The following PMEL variants were observed in gnomAD, a reference collection of about 807,000 sequenced individuals.
PMEL encodes the protein melanocyte protein PMEL.
A neutral mutation model predicts 64.9 loss-of-function variants in PMEL; 53 were observed. The observed-to-expected ratio is 0.82, with a 90% CI of 0.66 to 1.03. The LOEUF (loss-of-function observed/expected upper bound fraction) is 1.03, where lower values mean the gene tolerates loss of function less well. PMEL is among the 50% of genes least tolerant of loss of function. PMEL has a pLI of 0.00. For synonymous variants in PMEL, 299 were observed against 316.2 expected (o/e 0.95, Z 0.58); for missense variants, 716 against 814.9 (o/e 0.88, Z 1.48).
In PMEL at chr12:55,960,221, A is replaced by AAAAAG. The variant is rs757094284; in HGVS notation, c.334+1091_334+1095dup. On this transcript the variant is annotated intron_variant, in intron 3 of 10. Transcript: ENST00000548747. ...GCCAGACTCTGTCTCAAAAAAAAAA[A>AAAAAG]AAAAGAAAAGAAAAGAAAAGAAAAG... is the stretch of plus-strand genomic sequence containing the variant. 1.2e-3 allele frequency among the ~76,000 whole-genome samples: 174 copies of AAAAAG among 149,254 alleles called. 1 individual carries two copies. The highest frequency in any genetic ancestry group is 2.9e-3 in the Admixed American group (44 of 15,128).
intron 5 of PMEL, 53 bp downstream of exon 5, chr12:55,957,870 C>T (rs1888952601): frequency 6.2e-7 from 1 of 1,601,874 alleles, no homozygotes; most frequent in Non-Finnish European, 8.5e-7. Flanking sequence ...CCATCCAAGC[C>T]TCCCTGCCTT....
chr12:55,955,506 T>A lies in PMEL; in HGVS notation c.1720A>T (p.Thr574Ser), dbSNP rs758298457. 5.0e-6 allele frequency: 8 copies of A among 1,614,088 alleles called. No homozygotes were observed. The highest frequency in any genetic ancestry group is 1.6e-4 in the Middle Eastern group (1 of 6,062). ...TYCLNVSLAD[T>S]NSLAVVSTQL... ...GTGCTGACCACTGCCAGGCTGTTGG[T>A]ATCAGCCAGAGACACATTGAGGCAG... The change falls in exon 9 of 11, where the codon ACC becomes TCC. Residue 574 changes from threonine to serine, a missense_variant. Transcript: ENST00000548747.
chr12:55,958,154 G>A (rs1888967681), intron 4 of PMEL, 70 bp from the exon 5 acceptor site: 13 of 1,507,928 alleles, frequency 8.6e-6, no homozygotes, highest in East Asian at 4.5e-5. Context: ...GACAGGCTTC[G>A]AAACGGCACT....
chr12:55,957,818 T>C, intron 5 of PMEL, 105 bp downstream of exon 5: 1 of 1,528,458 alleles, frequency 6.5e-7, no homozygotes, highest in Admixed American at 1.8e-5. Context: ...CTGGCCCTTC[T>C]ACTTTAAGTT....
At chr12:55,957,885 T>C in intron 5 of PMEL, 38 bp downstream of exon 5, 1 of 1,609,708 alleles carries the variant, frequency 6.2e-7, no homozygotes, top group Non-Finnish European at 8.5e-7. Context: ...TGCCTTCTCT[T>C]GCCCTACAAC....
chr12:55,960,857 T>G (rs1345263649), intron 3 of PMEL, among the ~76,000 whole-genome samples: 1 of 150,364 alleles, frequency 6.7e-6, no homozygotes, highest in Non-Finnish European at 1.5e-5. Flanking sequence ...TTCTCTGTGT[T>G]TTTAAATTTT....
intron 6 of PMEL, chr12:55,956,489 TC>T (rs1479036121): frequency 3.1e-5 from 13 of 413,332 alleles, no homozygotes; most frequent in Non-Finnish European, 4.8e-5. Flanking sequence ...CTATGTCAGG[TC>T]CTAGGCTAGA....
Position 55,961,263 on chromosome 12 carries a change from A to G in PMEL, c.334+54T>C, listed in dbSNP as rs773336357. 8 of 1,550,494 alleles carry G rather than the reference A, an allele frequency of 5.2e-6. No individual in the cohort carries two copies. The Admixed American group carries it at 1.3e-4, about 26-fold the overall frequency. Reference sequence around the variant, plus strand: ...GGGGCATTCCCTGAGCTCACTGGGCATACCAGGGAACCTGAGCCCTAGGAA... The same window carrying G: ...GGGGCATTCCCTGAGCTCACTGGGCGTACCAGGGAACCTGAGCCCTAGGAA... On this transcript the variant is annotated intron_variant, in intron 3 of 10. Transcript: ENST00000548747.
Position 55,957,168 on chromosome 12 carries a change from C to G in PMEL, c.1135G>C (p.Val379Leu), listed in dbSNP as rs758062146. The change falls in exon 6 of 11, where the codon GTG becomes CTG. Residue 379 changes from valine (V) to leucine (L), a missense_variant. Coordinates refer to ENST00000548747, the MANE Select transcript of PMEL (RefSeq NM_001384361.1). ...AESTGMTPEK[V>L]PVSEVMGTTL... The stretch of plus-strand genomic sequence containing the variant: ...GTACCCATGACCTCTGAAACTGGCA[C>G]CTTCTCAGGTGTCATACCTGTGCTC... 1.2e-6 allele frequency: 2 copies of G among 1,614,082 alleles called. No homozygotes were observed. Among genetic ancestry groups the G allele is most frequent in the African/African-American group, 1.3e-5 (1 of 74,920 alleles).
At chr12:55,963,054 G>A (rs1592775022) in intron 1 of PMEL, among the ~76,000 whole-genome samples, 1 of 152,022 alleles carries the variant, frequency 6.6e-6, no homozygotes, top group East Asian at 2.0e-4. Context: ...CTACTCAGGG[G>A]GCTGAGGCAG....
At chr12:55,966,199 C>A, upstream of PMEL, 1 of 840,218 alleles carries the variant, frequency 1.2e-6, no homozygotes, top group Non-Finnish European at 1.8e-6. Flanking sequence ...TCCCATCCTG[C>A]TACTCAATGA....
chr12:55,959,785 A>T (rs529824001), intron 3 of PMEL, among the ~76,000 whole-genome samples: 1 of 152,316 alleles, frequency 6.6e-6, no homozygotes, highest in African/African-American at 2.4e-5. Context: ...AGCCTGAGCG[A>T]CACAGCGAGA....
chr12:55,963,461 T>C (rs938892935), intron 1 of PMEL, among the ~76,000 whole-genome samples: 7 of 152,230 alleles, frequency 4.6e-5, no homozygotes, highest in African/African-American at 1.7e-4. Flanking sequence ...AGACATCGTG[T>C]TATTTTAACC....
In PMEL at chr12:55,955,383, C is replaced by T. The variant is rs547269685; in HGVS notation, c.1763-22G>A. 921 of 1,613,962 alleles carry T rather than the reference C, an allele frequency of 5.7e-4. 5 individuals are homozygous for T. In the South Asian group the frequency reaches 9.5e-3, roughly 17 times the overall value. On this transcript the variant is annotated intron_variant, in intron 9 of 10. Transcript: ENST00000548747. ...TGACCTGTGAGAAGAATCCCAGGCA[C>T]TGCTTCACTCAGTGTCTGCTGCTTG...
intron 1 of PMEL, 73 bp downstream of exon 1, chr12:55,965,863 G>T: frequency 6.3e-7 from 1 of 1,578,236 alleles, no homozygotes; most frequent in Non-Finnish European, 8.7e-7. Flanking sequence ...CTCCCATTAG[G>T]AGGACAGAAA....
chr12:55,961,753 A>C, intron 1 of PMEL, 21 bp from the exon 2 acceptor site: 1 of 1,513,844 alleles, frequency 6.6e-7, no homozygotes, highest in South Asian at 1.1e-5. Flanking sequence ...TGTGCCATGA[A>C]GGGCCCTAGG....
At chr12:55,964,065 C>T (rs1005860971) in intron 1 of PMEL, among the ~76,000 whole-genome samples, 4 of 152,136 alleles carry the variant, frequency 2.6e-5, no homozygotes, top group African/African-American at 7.2e-5. Flanking sequence ...CTCACTGCAG[C>T]CTCAAACTCC....
At chr12:55,956,006 A>C in intron 7 of PMEL, 97 bp downstream of exon 7, 6 of 1,101,724 alleles carry the variant, frequency 5.4e-6, no homozygotes, top group Non-Finnish European at 8.3e-6. Flanking sequence ...TATTCTTCCT[A>C]TCTAGGTGAG....
At position 55,955,670 on chromosome 12, in the gene PMEL, C is replaced by G. The variant is rs202006797; in HGVS notation, c.1557-1G>C. The G allele has an allele frequency of 1.8e-5, 29 of 1,612,176 alleles. No homozygotes were observed. Among genetic ancestry groups the G allele is most frequent in the Non-Finnish European group, 2.3e-5 (27 of 1,178,870 alleles). On this transcript the variant is annotated splice_acceptor_variant, in intron 8 of 10. Coordinates refer to ENST00000548747, the MANE Select transcript of PMEL (RefSeq NM_001384361.1). LOFTEE classifies it high-confidence loss of function. ...CTCCATGCAGGCTTCCTTGGGCAGC[C>G]TGGAAGAAGTGTCAGCATATATAAG...
Sources: gnomAD v4.1 joint callset for allele counts (sites outside exome capture counted in the v4.1 genomes callset) on GRCh38, gnomAD v4.1.1 for gene constraint, MANE v1.5 for transcripts, NCBI Gene and HGNC (gene_info 2026-07-23, HGNC 2026-07-21) for gene names.